MCCC1: variants seen among roughly 807,000 people sequenced by gnomAD.
The protein encoded by MCCC1 is methylcrotonoyl-CoA carboxylase subunit alpha, mitochondrial.
MCCC1 carries 64 observed loss-of-function variants against 83.8 expected under a neutral mutation model. The ratio of observed to expected loss-of-function variants is 0.76; its 90% CI spans 0.62 to 0.94. The LOEUF is 0.94. MCCC1 is among the 40% of genes least tolerant of loss of function. The pLI is 0.00. For missense variants in MCCC1, 807 were observed against 904.7 expected (o/e 0.89, Z 1.39); for synonymous variants, 322 against 315.4 (o/e 1.02, Z -0.22).
At chr3:183,077,311 G>T (rs964343621) in intron 4 of MCCC1, among the ~76,000 whole-genome samples, 1 of 152,178 alleles carries the variant, frequency 6.6e-6, no homozygotes, top group Non-Finnish European at 1.5e-5. Context: ...TTGAGAAACT[G>T]CAAAACTGTT....
chr3:183,041,753 G>T lies in MCCC1; in HGVS notation c.1084-3C>A, dbSNP rs960823344. 1 of 1,614,142 alleles carries T rather than the reference G, an allele frequency of 6.2e-7. No individual in the cohort carries two copies. Among genetic ancestry groups the T allele is most frequent in the Non-Finnish European group, 8.5e-7 (1 of 1,180,006 alleles). On this transcript the variant is annotated splice_region_variant and splice_polypyrimidine_tract_variant and intron_variant, in intron 10 of 18. Transcript: ENST00000265594. The stretch of plus-strand genomic sequence containing the variant: ...GGAATCTTCTCTCCTGCTGCAATCT[G>T]GCAATAGAATAGTGTTTCTTATGAA...
chr3:183,088,790 C>T (rs867941288), intron 3 of MCCC1, among the ~76,000 whole-genome samples: 30 of 152,110 alleles, frequency 2.0e-4, no homozygotes, highest in African/African-American at 7.2e-4. Flanking sequence ...AACGGTATGT[C>T]TTGGGAACTC....
intron 11 of MCCC1, among the ~76,000 whole-genome samples, chr3:183,039,671 A>G (rs1477143640): frequency 1.3e-5 from 2 of 152,180 alleles, no homozygotes; most frequent in Non-Finnish European, 2.9e-5. Flanking sequence ...AAGAATCTGA[A>G]CCAGGGCACA....
chr3:183,021,876 C>T (rs1242502151), intron 16 of MCCC1, among the ~76,000 whole-genome samples: 3 of 152,208 alleles, frequency 2.0e-5, no homozygotes, highest in Non-Finnish European at 1.5e-5. Context: ...AGGTTAAGGA[C>T]TCACTGGGCA....
chr3:183,062,094 A>G (rs1715879476), intron 7 of MCCC1, among the ~76,000 whole-genome samples: 1 of 152,128 alleles, frequency 6.6e-6, no homozygotes, highest in African/African-American at 2.4e-5. Flanking sequence ...ACCTCCTGCC[A>G]TGATTGTGAG....
chr3:183,060,096 C>T (rs1012972560), intron 7 of MCCC1, among the ~76,000 whole-genome samples: 3 of 152,198 alleles, frequency 2.0e-5, no homozygotes, highest in Admixed American at 6.5e-5. Context: ...TTGTGGTATT[C>T]AAATAACGTG....
Position 183,075,621 on chromosome 3 carries a change from AC to A in MCCC1, c.370-3135del, listed in dbSNP as rs780458102. ...AGTGGCATGATCTCATCTCATTGCA[AC>A]CTCTGCTTCCCAGGTTCACGCCATT... On this transcript the variant is annotated intron_variant, in intron 4 of 18. Transcript: ENST00000265594. Among the ~76,000 whole-genome samples, 41 of 149,286 alleles carry A rather than the reference AC, an allele frequency of 2.7e-4. No homozygotes were observed. In the South Asian group the frequency reaches 4.9e-3, roughly 18 times the overall value.
chr3:183,017,422 C>G, intron 17 of MCCC1, 85 bp from the exon 18 acceptor site: 1 of 1,188,250 alleles, frequency 8.4e-7, no homozygotes, highest in Admixed American at 1.7e-5. Context: ...AACCATTTTA[C>G]TGTCTATATA....
rs769042107 is a variant in MCCC1, at chr3:183,022,459, C to T, written c.1827G>A (p.Ala609=). 7 of 1,614,004 alleles carry T rather than the reference C, an allele frequency of 4.3e-6. No homozygotes were observed. Among genetic ancestry groups the T allele is most frequent in the Middle Eastern group, 1.6e-4 (1 of 6,084 alleles). ...TAGTGTTTTCCAGGATAATCAGCTT[C>T]GCTTTACTAGCAACTCCATTAACAG... The part of the protein sequence containing the change: ...KCSVNGVASK[A]KLIILENTIY... The change falls in exon 16 of 19, where the codon GCG becomes GCA. Residue 609 remains alanine, a synonymous_variant. Coordinates refer to ENST00000265594, the MANE Select transcript of MCCC1 (RefSeq NM_020166.5).
intron 7 of MCCC1, among the ~76,000 whole-genome samples, chr3:183,059,823 C>T (rs1239922901): frequency 2.0e-5 from 3 of 152,156 alleles, no homozygotes. Flanking sequence ...TATCTCACTC[C>T]ACTCTCTTCT....
chr3:183,113,359 T>C (rs1037511037), intron 1 of MCCC1, among the ~76,000 whole-genome samples: 3 of 138,036 alleles, frequency 2.2e-5, no homozygotes, highest in Non-Finnish European at 3.0e-5. Context: ...TAGGTGGGAA[T>C]TGAACAATGA....
chr3:183,103,537 A>T (rs2108582565), upstream of MCCC1, among the ~76,000 whole-genome samples: 1 of 152,264 alleles, frequency 6.6e-6, no homozygotes, highest in South Asian at 2.1e-4. Flanking sequence ...AGCTAGATAC[A>T]GAGTGTCAAT....
intron 14 of MCCC1, among the ~76,000 whole-genome samples, chr3:183,027,406 T>A (rs746107618): frequency 2.0e-5 from 3 of 152,174 alleles, no homozygotes; most frequent in Non-Finnish European, 4.4e-5. Context: ...TGTCAAAAGC[T>A]GAGATAAGCC....
intron 8 of MCCC1, among the ~76,000 whole-genome samples, chr3:183,055,029 C>T (rs544987954): frequency 9.9e-5 from 15 of 152,200 alleles, no homozygotes; most frequent in African/African-American, 2.4e-4. Flanking sequence ...CAACTAAGGA[C>T]GCATTTCTCA....
intron 4 of MCCC1, among the ~76,000 whole-genome samples, chr3:183,074,811 G>A (rs1052213180): frequency 3.9e-5 from 6 of 152,238 alleles, no homozygotes; most frequent in South Asian, 4.1e-4. Context: ...TACAGAGTTC[G>A]TCACCCAGGT....
chr3:183,052,120 C>T (rs776976287), intron 9 of MCCC1, 39 bp downstream of exon 9: 1 of 1,580,148 alleles, frequency 6.3e-7, no homozygotes, highest in South Asian at 1.1e-5. Context: ...AAATTAAACA[C>T]TGTTACGTCT....
chr3:183,040,892 G>C (rs2108477573), intron 11 of MCCC1, among the ~76,000 whole-genome samples: 1 of 152,218 alleles, frequency 6.6e-6, no homozygotes, highest in Admixed American at 6.5e-5. Flanking sequence ...ACTGACTCTG[G>C]AGCAAGACTG....
At chr3:183,105,445 T>A (rs1468735536) in intron 1 of MCCC1, among the ~76,000 whole-genome samples, 1 of 151,964 alleles carries the variant, frequency 6.6e-6, no homozygotes, top group Non-Finnish European at 1.5e-5. Flanking sequence ...CACTGATGAG[T>A]GAAAAAAGCA....
In MCCC1 at chr3:183,092,461, T is replaced by G. The variant is rs1471867449; in HGVS notation, c.221A>C (p.Gln74Pro). The G allele has an allele frequency of 1.9e-5, 31 of 1,614,124 alleles. No individual in the cohort carries two copies. The highest frequency in any genetic ancestry group is 2.6e-5 in the Non-Finnish European group (31 of 1,180,050). ...AGCCTCACTATAAACCGCCACAGTCTGTACACCCAGTTTTTTGGCTGTGCG... is the reference window on the plus strand; with the variant it reads ...AGCCTCACTATAAACCGCCACAGTCGGTACACCCAGTTTTTTGGCTGTGCG... ...VMRTAKKLGV[Q>P]TVAVYSEADR... Residue 74 changes from glutamine to proline, a missense_variant, in exon 3 of 19, where the codon CAG (glutamine) becomes CCG (proline). Gln to Pro is a moderately conservative substitution (Grantham distance 76). Coordinates refer to ENST00000265594, the MANE Select transcript of MCCC1 (RefSeq NM_020166.5).
Sources: allele counts gnomAD v4.1 joint callset (sites outside exome capture counted in the v4.1 genomes callset), GRCh38; gene constraint gnomAD v4.1.1; transcripts MANE v1.5; gene names NCBI Gene and HGNC (gene_info 2026-07-23, HGNC 2026-07-21).